NRG3: variants seen among roughly 807,000 people sequenced by gnomAD.
NRG3 encodes neuregulin 3.
Under a neutral mutation model 66.9 loss-of-function variants are expected in NRG3, and 31 were observed. The observed-to-expected ratio is 0.46, with a 90% CI of 0.35 to 0.63. The LOEUF is 0.63. Ranked by LOEUF, NRG3 falls within the 20% of genes least tolerant of loss-of-function variation. The probability of loss-of-function intolerance (pLI) is 0.00; values close to 1 mark genes in which losing one functional copy is unlikely to be tolerated. For synonymous variants in NRG3, 393 were observed against 359.4 expected, an observed-to-expected ratio of 1.09 and a Z score of -1.06; for missense variants, 910 against 878.9, an observed-to-expected ratio of 1.04 and a Z score of -0.45.
rs1335409144 is a variant in NRG3 at position 82,349,540 on chromosome 10, G to C, written c.824-9199G>C. On this transcript the variant is annotated intron_variant, in intron 1 of 8. Transcript: ENST00000372141. ...TTTGTTTGTCTGTGCCCTGCCCTCA[G>C]AGGTGGAGCCTACAGAGGCAGGCAG... Among the ~76,000 whole-genome samples the C allele has an allele frequency of 2.0e-5, 3 of 152,010 alleles. No homozygotes were observed. In the South Asian group the frequency reaches 6.2e-4, roughly 32 times the overall value.
chr10:82,063,840 G>T (rs1403843088), intron 1 of NRG3, among the ~76,000 whole-genome samples: 1 of 152,182 alleles, frequency 6.6e-6, no homozygotes, highest in Admixed American at 6.5e-5. Context: ...TCTATCAGGT[G>T]TGATTTGCCT....
chr10:82,013,813 T>C (rs2061677321), intron 1 of NRG3, among the ~76,000 whole-genome samples: 2 of 152,204 alleles, frequency 1.3e-5, no homozygotes, highest in Non-Finnish European at 2.9e-5. Flanking sequence ...TGTTAAAATA[T>C]ATTCAATTCC....
chr10:82,408,136 AAAG>A (rs1360708447), intron 2 of NRG3, among the ~76,000 whole-genome samples: 7 of 145,610 alleles, frequency 4.8e-5, no homozygotes, highest in Non-Finnish European at 9.3e-5. Flanking sequence ...AGAAAGAAAG[AAAG>A]AAAGAAAAGA....
chr10:82,350,094 C>A (rs941545481), intron 1 of NRG3, among the ~76,000 whole-genome samples: 2 of 152,126 alleles, frequency 1.3e-5, no homozygotes, highest in African/African-American at 4.8e-5. Flanking sequence ...CTCAAAAAAA[C>A]TGCTTTTTTA....
chr10:82,812,866 A>G (rs2061548704), intron 3 of NRG3, among the ~76,000 whole-genome samples: 1 of 152,228 alleles, frequency 6.6e-6, no homozygotes, highest in Admixed American at 6.5e-5. Context: ...TTTATTTCAA[A>G]GAAGATAACC....
At chr10:82,175,675 T>C (rs941501662) in intron 1 of NRG3, among the ~76,000 whole-genome samples, 1 of 152,202 alleles carries the variant, frequency 6.6e-6, no homozygotes, top group African/African-American at 2.4e-5. Context: ...GCTGTTCACA[T>C]ATCTTTCTCC....
intron 1 of NRG3, among the ~76,000 whole-genome samples, chr10:82,099,344 T>C (rs2066579757): frequency 6.6e-6 from 1 of 152,194 alleles, no homozygotes; most frequent in Non-Finnish European, 1.5e-5. Flanking sequence ...ATTGCCTGTG[T>C]AGGAAAAATC....
chr10:82,213,415 A>G (rs1220901123), intron 1 of NRG3, among the ~76,000 whole-genome samples: 1 of 152,218 alleles, frequency 6.6e-6, no homozygotes, highest in Non-Finnish European at 1.5e-5. Flanking sequence ...ACATAAAATT[A>G]TCTTCTAGAT....
intron 2 of NRG3, among the ~76,000 whole-genome samples, chr10:82,420,151 T>G (rs1260792932): frequency 6.6e-6 from 1 of 152,154 alleles, no homozygotes; most frequent in Non-Finnish European, 1.5e-5. Context: ...TCAGTCTGGG[T>G]TTCTGGCTTG....
At chr10:82,487,048 G>C (rs1263643738) in intron 2 of NRG3, among the ~76,000 whole-genome samples, 3 of 148,136 alleles carry the variant, frequency 2.0e-5, no homozygotes, top group African/African-American at 7.4e-5. Context: ...TTAACATAAT[G>C]GTTATTATAT....
chr10:81,901,232 G>T (rs1844040672), intron 1 of NRG3, among the ~76,000 whole-genome samples: 1 of 152,202 alleles, frequency 6.6e-6, no homozygotes, highest in African/African-American at 2.4e-5. Context: ...GCTGTGTCCA[G>T]CACTGTCATC....
chr10:82,837,497 A>G (rs569690456), intron 3 of NRG3, among the ~76,000 whole-genome samples: 2 of 152,302 alleles, frequency 1.3e-5, no homozygotes, highest in South Asian at 2.1e-4. Context: ...GAAATGGCAT[A>G]TAATTATTAA....
chr10:82,037,798 A>T (rs186991505), intron 1 of NRG3, among the ~76,000 whole-genome samples: 7 of 152,148 alleles, frequency 4.6e-5, no homozygotes, highest in Admixed American at 4.6e-4. Flanking sequence ...TGTTTTGAGA[A>T]CTAAGGGGAA....
chr10:82,441,031 T>A (rs2090407765), intron 2 of NRG3, among the ~76,000 whole-genome samples: 1 of 152,194 alleles, frequency 6.6e-6, no homozygotes. Flanking sequence ...ACAAATCCCC[T>A]TGGATTTAGA....
At chr10:81,880,672 C>T (rs980903761) in intron 1 of NRG3, among the ~76,000 whole-genome samples, 1 of 152,156 alleles carries the variant, frequency 6.6e-6, no homozygotes, top group Non-Finnish European at 1.5e-5. Context: ...CAATGCCAAA[C>T]ATATCTCAAT....
At chr10:82,699,340 G>A (rs1266103455) in intron 2 of NRG3, among the ~76,000 whole-genome samples, 4 of 151,622 alleles carry the variant, frequency 2.6e-5, no homozygotes, top group African/African-American at 9.7e-5. Flanking sequence ...AAGGAAGGAA[G>A]AAGGGATGGA....
chr10:81,969,572 C>T (rs1284391707), intron 1 of NRG3, among the ~76,000 whole-genome samples: 3 of 152,156 alleles, frequency 2.0e-5, no homozygotes, highest in Admixed American at 6.5e-5. Context: ...TCCAGCGTGA[C>T]CAGAAAAAAT....
intron 1 of NRG3, among the ~76,000 whole-genome samples, chr10:82,043,643 T>A (rs989422): frequency 0.36 from 54,593 of 151,786 alleles, 11,175 homozygotes; most frequent in South Asian, 0.49. Flanking sequence ...ATAACATAGG[T>A]AGGTATAACA....
intron 1 of NRG3, among the ~76,000 whole-genome samples, chr10:81,953,872 C>T (rs538234711): frequency 1.6e-4 from 24 of 152,290 alleles, no homozygotes; most frequent in African/African-American, 5.8e-4. Flanking sequence ...GACTCATTAA[C>T]ATCTCAACAT....
Sources: gnomAD v4.1 joint callset for allele counts (sites outside exome capture counted in the v4.1 genomes callset) on GRCh38, gnomAD v4.1.1 for gene constraint, MANE v1.5 for transcripts, NCBI Gene and HGNC (gene_info 2026-07-23, HGNC 2026-07-21) for gene names.